The following DPYD variants were observed in gnomAD, a reference collection of about 807,000 sequenced individuals.
DPYD encodes dihydropyrimidine dehydrogenase [NADP(+)].
Under a neutral mutation model 116.2 loss-of-function variants are expected in DPYD, and 109 were observed. The observed-to-expected ratio is 0.94, with a 90% CI of 0.80 to 1.10. DPYD has a LOEUF of 1.10. Ranked by LOEUF, DPYD falls within the 50% of genes least tolerant of loss-of-function variation. The probability of loss-of-function intolerance (pLI) is 0.00; values close to 1 mark genes in which losing one functional copy is unlikely to be tolerated. For missense variants in DPYD, 1,302 were observed against 1,254.5 expected, an observed-to-expected ratio of 1.04 and a Z score of -0.57; for synonymous variants, 440 against 432.0, an observed-to-expected ratio of 1.02 and a Z score of -0.23.
intron 20 of DPYD, among the ~76,000 whole-genome samples, chr1:97,173,247 T>TGCAC (rs1656891851): frequency 1.6e-5 from 2 of 123,742 alleles, no homozygotes; most frequent in East Asian, 2.8e-4. Context: ...CACATATATG[T>TGCAC]ACATATATGC....
At chr1:97,413,706 T>C (rs7535930) in intron 14 of DPYD, among the ~76,000 whole-genome samples, 29,946 of 151,916 alleles carry the variant, frequency 0.2, 3,144 homozygotes, top group East Asian at 0.38. Flanking sequence ...GAACTCGAGC[T>C]CAAACAATCC....
intron 20 of DPYD, among the ~76,000 whole-genome samples, chr1:97,099,745 A>T (rs1049095089): frequency 1.3e-5 from 2 of 152,062 alleles, no homozygotes; most frequent in Non-Finnish European, 2.9e-5. Context: ...GAAAAATCAC[A>T]CTTGTTTCAA....
chr1:97,125,154 C>T (rs1200288237), intron 20 of DPYD, among the ~76,000 whole-genome samples: 1 of 152,032 alleles, frequency 6.6e-6, no homozygotes, highest in Non-Finnish European at 1.5e-5. Flanking sequence ...CAGGACCTTG[C>T]AGTGGCAACT....
intron 10 of DPYD, 80 bp from the exon 11 acceptor site, chr1:97,574,050 A>T: frequency 6.4e-7 from 1 of 1,564,978 alleles, no homozygotes. Context: ...TGAATTACAC[A>T]TGCTAAAGCT....
At chr1:97,510,130 C>G (rs781579828) in intron 13 of DPYD, among the ~76,000 whole-genome samples, 39 of 151,304 alleles carry the variant, frequency 2.6e-4, no homozygotes, top group Non-Finnish European at 5.2e-4. Context: ...AAAAAAAAAA[C>G]TCAGAGGAGA....
intron 1 of DPYD, among the ~76,000 whole-genome samples, chr1:97,916,805 C>T (rs929114561): frequency 1.3e-5 from 2 of 152,126 alleles, no homozygotes; most frequent in African/African-American, 4.8e-5. Flanking sequence ...CCCAAGAGTA[C>T]AAGGCCAGCC....
At chr1:97,206,486 A>G (rs1659608704) in intron 19 of DPYD, among the ~76,000 whole-genome samples, 1 of 151,100 alleles carries the variant, frequency 6.6e-6, no homozygotes, top group Non-Finnish European at 1.5e-5. Context: ...GGCCTTGATT[A>G]AGATCACACA....
chr1:97,553,245 T>A (rs1651455305), intron 11 of DPYD, among the ~76,000 whole-genome samples: 1 of 152,008 alleles, frequency 6.6e-6, no homozygotes, highest in Non-Finnish European at 1.5e-5. Flanking sequence ...CTAAATACCT[T>A]TCCTAATTTC....
At chr1:97,258,003 C>A (rs779094724) in intron 18 of DPYD, among the ~76,000 whole-genome samples, 7 of 152,056 alleles carry the variant, frequency 4.6e-5, no homozygotes, top group Non-Finnish European at 8.8e-5. Flanking sequence ...GGATAACTAG[C>A]ATTTTGAATG....
At chr1:97,405,849 A>G (rs1362409559) in intron 14 of DPYD, among the ~76,000 whole-genome samples, 3 of 152,034 alleles carry the variant, frequency 2.0e-5, no homozygotes, top group South Asian at 4.1e-4. Context: ...ACTCCAGTCT[A>G]TTCTTGCTCT....
At chr1:97,640,003 T>C (rs143738601) in intron 8 of DPYD, among the ~76,000 whole-genome samples, 2 of 152,228 alleles carry the variant, frequency 1.3e-5, no homozygotes, top group African/African-American at 2.4e-5. Context: ...TTTTGCCATA[T>C]CACAAATATG....
At chr1:97,153,796 C>G (rs1369654244) in intron 20 of DPYD, among the ~76,000 whole-genome samples, 1 of 151,886 alleles carries the variant, frequency 6.6e-6, no homozygotes, top group Non-Finnish European at 1.5e-5. Flanking sequence ...TGAAACAAAT[C>G]ATCAAGAAAA....
intron 13 of DPYD, among the ~76,000 whole-genome samples, chr1:97,492,545 G>A (rs780801265): frequency 2.0e-5 from 3 of 152,074 alleles, no homozygotes; most frequent in Non-Finnish European, 4.4e-5. Context: ...GACGTTCCAC[G>A]TATGCAGATC....
intron 3 of DPYD, among the ~76,000 whole-genome samples, chr1:97,794,794 G>A (rs1329430926): frequency 2.6e-5 from 4 of 151,972 alleles, no homozygotes; most frequent in Admixed American, 1.3e-4. Flanking sequence ...TTCAGGGCAG[G>A]GTACATAGAT....
chr1:97,523,443 A>G (rs1278716655), intron 12 of DPYD, among the ~76,000 whole-genome samples: 4 of 152,144 alleles, frequency 2.6e-5, no homozygotes, highest in Admixed American at 2.0e-4. Context: ...AGGAGCCCCA[A>G]ATATATATGC....
intron 19 of DPYD, among the ~76,000 whole-genome samples, chr1:97,227,773 A>G (rs1437649665): frequency 6.6e-6 from 1 of 152,118 alleles, no homozygotes; most frequent in Non-Finnish European, 1.5e-5. Flanking sequence ...ATACCGAAGT[A>G]TGTTGAGATG....
In DPYD at chr1:97,091,423, G is replaced by T. The variant is rs192386584; in HGVS notation, c.2766+7066C>A. Reference sequence around the variant, plus strand: ...GAAACACTCTAGGGAAAACACTGAAGTAATCATGTAGCAGCAATTACATGG... The same window carrying T: ...GAAACACTCTAGGGAAAACACTGAATTAATCATGTAGCAGCAATTACATGG... On this transcript the variant is annotated intron_variant, in intron 21 of 22. Transcript: ENST00000370192. Among the ~76,000 whole-genome samples the T allele has an allele frequency of 4.9e-3, 741 of 152,258 alleles. 5 individuals are homozygous for T. Among genetic ancestry groups the T allele is most frequent in the Admixed American group, 0.011 (168 of 15,288 alleles).
At chr1:97,480,514 AT>A (rs1221008216) in intron 13 of DPYD, among the ~76,000 whole-genome samples, 1 of 152,210 alleles carries the variant, frequency 6.6e-6, no homozygotes, top group African/African-American at 2.4e-5. Flanking sequence ...GGAAGCATGA[AT>A]TTACAAATCT....
intron 1 of DPYD, among the ~76,000 whole-genome samples, chr1:97,894,056 G>A (rs566103693): frequency 1.7e-4 from 26 of 151,866 alleles, no homozygotes; most frequent in African/African-American, 6.0e-4. Context: ...AAGCTGGGTG[G>A]CTTAAACAAC....
Sources: gnomAD v4.1 joint callset for allele counts (sites outside exome capture counted in the v4.1 genomes callset) on GRCh38, gnomAD v4.1.1 for gene constraint, MANE v1.5 for transcripts, NCBI Gene and HGNC (gene_info 2026-07-23, HGNC 2026-07-21) for gene names.